The following VPS41 variants were observed in gnomAD, a reference collection of about 807,000 sequenced individuals.
VPS41 encodes VPS41 subunit of HOPS complex.
A neutral mutation model predicts 130.9 loss-of-function variants in VPS41; 85 were observed. That is an observed-to-expected ratio of 0.65 (90% confidence interval 0.55 to 0.78). VPS41 has a LOEUF of 0.78. VPS41 is among the 30% of genes least tolerant of loss of function. The pLI is 0.00. For synonymous variants in VPS41, 335 were observed against 332.9 expected (o/e 1.01, Z -0.07); for missense variants, 874 against 1,018.7 (o/e 0.86, Z 1.93).
intron 25 of VPS41, among the ~76,000 whole-genome samples, chr7:38,734,589 C>T (rs1795728327): frequency 6.6e-6 from 1 of 152,104 alleles, no homozygotes; most frequent in African/African-American, 2.4e-5. Flanking sequence ...TGATAATAAT[C>T]CCAACCAAAA....
At chr7:38,904,911 T>C (rs761762950) in intron 1 of VPS41, among the ~76,000 whole-genome samples, 10 of 152,112 alleles carry the variant, frequency 6.6e-5, no homozygotes, top group Admixed American at 2.0e-4. Flanking sequence ...AGGGTCCAGG[T>C]TGGTTGATTA....
In VPS41 at chr7:38,795,483, G is replaced by A; in HGVS notation, c.699C>T (p.Gly233=). The A allele has an allele frequency of 6.2e-7, 1 of 1,612,074 alleles. No individual in the cohort carries two copies. Among genetic ancestry groups the A allele is most frequent in the South Asian group, 1.1e-5 (1 of 90,782 alleles). The stretch of plus-strand genomic sequence containing the variant: ...AAACCACCTTGACAGAAGTCCCCCA[G>A]CCAATAATCAGTGTCACATTGTCCT... ...CWKDNVTLII[G]WGTSVKVCSV... is the part of the protein sequence containing the mutation. The change falls in exon 9 of 29, where the codon GGC becomes GGT. Residue 233 remains glycine, a synonymous_variant. Transcript: ENST00000310301.
At chr7:38,907,702 G>A (rs1001700365) in intron 1 of VPS41, among the ~76,000 whole-genome samples, 2 of 151,996 alleles carry the variant, frequency 1.3e-5, no homozygotes, top group East Asian at 3.9e-4. Context: ...ATATTTCATA[G>A]GTTTTTTTCA....
intron 11 of VPS41, 121 bp downstream of exon 11, chr7:38,776,554 CTTAT>C (rs925282765): frequency 3.6e-6 from 2 of 559,242 alleles, no homozygotes; most frequent in Non-Finnish European, 6.6e-6. Context: ...CTCTGCCAAC[CTTAT>C]TTTATAGGTC....
At chr7:38,849,303 G>A (rs1785798121) in intron 4 of VPS41, among the ~76,000 whole-genome samples, 1 of 152,124 alleles carries the variant, frequency 6.6e-6, no homozygotes, top group East Asian at 1.9e-4. Flanking sequence ...GCCCCAGTGG[G>A]GGTGTGTTAC....
At position 38,753,664 on chromosome 7, in the gene VPS41, C is replaced by A. The variant is rs138701880; in HGVS notation, c.1788+1038G>T. Reference sequence around the variant, plus strand: ...TACATTGTCGCACAGAGAGCTACTGCCCATAATCCTGTCTCCTGGCTTAAG... The same window carrying A: ...TACATTGTCGCACAGAGAGCTACTGACCATAATCCTGTCTCCTGGCTTAAG... On this transcript the variant is annotated intron_variant, in intron 21 of 28. Transcript: ENST00000310301. 6.7e-4 allele frequency among the ~76,000 whole-genome samples: 102 copies of A among 152,276 alleles called. 1 individual carries two copies. Among genetic ancestry groups the A allele is most frequent in the African/African-American group, 2.2e-3 (92 of 41,550 alleles).
chr7:38,894,307 C>T (rs961526133), intron 2 of VPS41, among the ~76,000 whole-genome samples: 5 of 152,210 alleles, frequency 3.3e-5, no homozygotes, highest in Non-Finnish European at 7.3e-5. Context: ...CAACTGCAAA[C>T]AGGCTTACTA....
intron 8 of VPS41, among the ~76,000 whole-genome samples, chr7:38,795,917 T>C (rs933718227): frequency 6.6e-6 from 1 of 152,206 alleles, no homozygotes. Flanking sequence ...ACAAGTAACA[T>C]TTCTAATTTT....
At chr7:38,736,345 T>C (rs1562565571) in intron 25 of VPS41, among the ~76,000 whole-genome samples, 1 of 152,208 alleles carries the variant, frequency 6.6e-6, no homozygotes, top group Non-Finnish European at 1.5e-5. Flanking sequence ...ATGTAACGTA[T>C]ACAAGAATCC....
chr7:38,855,492 A>G (rs1039996885), intron 4 of VPS41, among the ~76,000 whole-genome samples: 4 of 152,194 alleles, frequency 2.6e-5, no homozygotes, highest in Admixed American at 2.0e-4. Context: ...AAGATGGTCG[A>G]GTCCCAAAGT....
intron 1 of VPS41, among the ~76,000 whole-genome samples, chr7:38,898,969 A>C (rs1451011911): frequency 6.6e-6 from 1 of 152,246 alleles, no homozygotes; most frequent in African/African-American, 2.4e-5. Flanking sequence ...AAAATGGGGC[A>C]AGGACATTTT....
intron 4 of VPS41, among the ~76,000 whole-genome samples, chr7:38,851,912 C>T (rs541083929): frequency 1.3e-5 from 2 of 152,074 alleles, no homozygotes; most frequent in East Asian, 1.9e-4. Context: ...TTTTTCCTTG[C>T]TATAAATTAA....
chr7:38,770,011 T>TATA (rs1784123322), intron 14 of VPS41, among the ~76,000 whole-genome samples: 1 of 152,176 alleles, frequency 6.6e-6, no homozygotes, highest in Admixed American at 6.5e-5. Context: ...GGCTCATGTC[T>TATA]ATAATAGCAG....
intron 15 of VPS41, 142 bp from the exon 16 acceptor site, chr7:38,765,803 T>C: frequency 1.8e-6 from 1 of 566,086 alleles, no homozygotes; most frequent in Non-Finnish European, 3.0e-6. Flanking sequence ...CTATCTCAAG[T>C]ACCAACGAAC....
In VPS41 at chr7:38,796,816, G is replaced by C; in HGVS notation, c.499C>G (p.Leu167Val). 2 of 1,613,976 alleles carry C rather than the reference G, an allele frequency of 1.2e-6. No individual in the cohort carries two copies. The highest frequency in any genetic ancestry group is 1.7e-6 in the Non-Finnish European group (2 of 1,179,898). ...CTTATGTTCCCTTCCCCTTCATGCA[G>C]AACAGCAGACTTCCATCTGTTCATC... Reference protein sequence around the residue: ...SWMNRWKSAVLHEGEGNIRSV... With the variant: ...SWMNRWKSAVVHEGEGNIRSV... Residue 167 changes from leucine to valine, a missense_variant, in exon 8 of 29, where the codon CTG becomes GTG. Leu to Val is a conservative substitution (Grantham distance 32). Coordinates refer to ENST00000310301, the MANE Select transcript of VPS41 (RefSeq NM_014396.4).
intron 7 of VPS41, among the ~76,000 whole-genome samples, chr7:38,800,435 AT>A (rs1784703418): frequency 6.6e-6 from 1 of 152,174 alleles, no homozygotes; most frequent in African/African-American, 2.4e-5. Context: ...AAATATATGA[AT>A]TTTTTATGTT....
intron 2 of VPS41, among the ~76,000 whole-genome samples, chr7:38,871,897 G>C (rs1030094526): frequency 1.3e-5 from 2 of 152,158 alleles, no homozygotes; most frequent in African/African-American, 2.4e-5. Context: ...ATAGGTTCAA[G>C]AAATCTTCTC....
At chr7:38,904,342 A>G (rs193003893) in intron 1 of VPS41, among the ~76,000 whole-genome samples, 1 of 152,372 alleles carries the variant, frequency 6.6e-6, no homozygotes, top group Admixed American at 6.5e-5. Context: ...GCAATCCGCT[A>G]GTCCAGCAAA....
Position 38,858,730 on chromosome 7 carries a change from C to G in VPS41, c.246+3815G>C, listed in dbSNP as rs192832910. Reference sequence around the variant, plus strand: ...TGTGATGATGCTAGTGTAAACAAACCTAGTCAGCTGCCACTCATATAAAGT... The same window carrying G: ...TGTGATGATGCTAGTGTAAACAAACGTAGTCAGCTGCCACTCATATAAAGT... On this transcript the variant is annotated intron_variant, in intron 4 of 28. Coordinates refer to ENST00000310301, the MANE Select transcript of VPS41 (RefSeq NM_014396.4). Among the ~76,000 whole-genome samples the G allele has an allele frequency of 2.3e-3, 351 of 152,262 alleles. 2 individuals carry two copies. Among genetic ancestry groups the G allele is most frequent in the Middle Eastern group, 0.01 (3 of 294 alleles).
Sources: gnomAD v4.1 joint callset for allele counts (sites outside exome capture counted in the v4.1 genomes callset) on GRCh38, gnomAD v4.1.1 for gene constraint, MANE v1.5 for transcripts, NCBI Gene and HGNC (gene_info 2026-07-23, HGNC 2026-07-21) for gene names.